MYLK: variants seen among roughly 807,000 people sequenced by gnomAD.
The protein encoded by MYLK is myosin light chain kinase.
MYLK carries 106 observed loss-of-function variants against 203.4 expected under a neutral mutation model. The ratio of observed to expected loss-of-function variants is 0.52; its 90% confidence interval spans 0.45 to 0.61. The LOEUF is 0.61. Ranked by LOEUF, MYLK falls within the 20% of genes least tolerant of loss-of-function variation. The pLI is 0.00. For missense variants in MYLK, 2,072 were observed against 2,442.3 expected, an observed-to-expected ratio of 0.85 and a Z score of 3.20; for synonymous variants, 867 against 959.5, an observed-to-expected ratio of 0.90 and a Z score of 1.78.
chr3:123,630,339 G>A (rs1157725704), intron 29 of MYLK, among the ~76,000 whole-genome samples: 1 of 152,190 alleles, frequency 6.6e-6, no homozygotes, highest in East Asian at 1.9e-4. Flanking sequence ...CTATAGGGTG[G>A]TCACTTCTTC....
Position 123,733,941 on chromosome 3 carries a change from A to G in MYLK, c.1055T>C (p.Val352Ala), listed in dbSNP as rs968288078. Residue 352 changes from valine (V) to alanine (A), a missense_variant, in exon 10 of 34, where the codon GTT becomes GCT. This residue lies in a region of MYLK where 683 missense variants were observed against 643.8 expected (regional missense o/e 1.06). Transcript: ENST00000360304. ...SSSITLQAAR[V>A]QPEPRAPGLG... is the part of the protein sequence containing the mutation. ...GCCTGGTGCTCTTGGTTCCGGCTGAACTCTTGCGGCCTGCAGGGTGATGGA... is the reference window on the plus strand; with the variant it reads ...GCCTGGTGCTCTTGGTTCCGGCTGAGCTCTTGCGGCCTGCAGGGTGATGGA... The G allele has an allele frequency of 8.1e-6, 13 of 1,613,650 alleles. No homozygotes were observed. Among genetic ancestry groups the G allele is most frequent in the African/African-American group, 1.3e-5 (1 of 74,784 alleles).
intron 4 of MYLK, among the ~76,000 whole-genome samples, chr3:123,793,234 G>A (rs982211652): frequency 4.6e-5 from 7 of 152,094 alleles, no homozygotes; most frequent in African/African-American, 4.8e-5. Flanking sequence ...TCACTGCTCC[G>A]GGTATACCAA....
intron 20 of MYLK, among the ~76,000 whole-genome samples, chr3:123,673,614 A>C (rs2059986635): frequency 6.6e-6 from 1 of 152,176 alleles, no homozygotes; most frequent in Non-Finnish European, 1.5e-5. Flanking sequence ...GGTCCTCAGA[A>C]GAGGGGACAT....
chr3:123,842,233 T>A (rs977913599), intron 2 of MYLK, among the ~76,000 whole-genome samples: 1 of 152,056 alleles, frequency 6.6e-6, no homozygotes, highest in Non-Finnish European at 1.5e-5. Context: ...AGAGTTGGAA[T>A]AAGTAAATTA....
chr3:123,875,694 A>G (rs1295416017), intron 2 of MYLK, among the ~76,000 whole-genome samples: 1 of 152,228 alleles, frequency 6.6e-6, no homozygotes, highest in African/African-American at 2.4e-5. Flanking sequence ...AGAGTCTTCA[A>G]AAAAACCTAT....
At chr3:123,779,426 T>C (rs978265019) in intron 4 of MYLK, among the ~76,000 whole-genome samples, 1 of 152,212 alleles carries the variant, frequency 6.6e-6, no homozygotes, top group African/African-American at 2.4e-5. Context: ...CAGGCTCATT[T>C]TTCACTCCCC....
At chr3:123,829,157 C>T (rs1463987709) in intron 3 of MYLK, among the ~76,000 whole-genome samples, 1 of 152,134 alleles carries the variant, frequency 6.6e-6, no homozygotes, top group Admixed American at 6.5e-5. Context: ...TCTACTGCAG[C>T]ACTATTTACA....
intron 29 of MYLK, among the ~76,000 whole-genome samples, chr3:123,633,370 A>G (rs1258677191): frequency 6.6e-6 from 1 of 151,618 alleles, no homozygotes; most frequent in Non-Finnish European, 1.5e-5. Context: ...CAGGCCATCC[A>G]CTCACCTTGG....
chr3:123,762,794 C>T (rs921290454), intron 4 of MYLK, among the ~76,000 whole-genome samples: 4 of 152,176 alleles, frequency 2.6e-5, no homozygotes, highest in African/African-American at 9.7e-5. Flanking sequence ...GATGCAGCAA[C>T]AAGGTGCTCT....
chr3:123,614,193 T>C lies in MYLK; in HGVS notation c.5657A>G (p.Asn1886Ser). Residue 1886 changes from asparagine (N) to serine (S), a missense_variant, in exon 34 of 34, where the codon AAC (asparagine) becomes AGC (serine). Around this residue, in one of 3 missense-constraint regions of MYLK, gnomAD observed 524 missense variants for 782.4 expected, o/e 0.67. Transcript: ENST00000360304. ...DDAKYTCKAV[N>S]SLGEATCTAE... ...TGTGCAGGTGGCTTCTCCAAGACTG[T>C]TGACAGCCTTGCAGGTGTACTTGGC... 3 of 1,614,194 alleles carry C rather than the reference T, an allele frequency of 1.9e-6. No individual in the cohort carries two copies. Among genetic ancestry groups the C allele is most frequent in the Non-Finnish European group, 2.5e-6 (3 of 1,180,042 alleles).
intron 2 of MYLK, among the ~76,000 whole-genome samples, chr3:123,866,853 A>G (rs2032363884): frequency 6.6e-6 from 1 of 152,182 alleles, no homozygotes; most frequent in African/African-American, 2.4e-5. Flanking sequence ...GAAGCTATGC[A>G]GTCCCTCCCT....
intron 4 of MYLK, among the ~76,000 whole-genome samples, chr3:123,785,587 G>A (rs889535014): frequency 6.6e-6 from 1 of 152,232 alleles, no homozygotes; most frequent in Non-Finnish European, 1.5e-5. Context: ...TCTCAAGAAT[G>A]TAATGCCTTC....
intron 4 of MYLK, among the ~76,000 whole-genome samples, chr3:123,758,901 T>G (rs1198517177): frequency 6.6e-6 from 1 of 152,216 alleles, no homozygotes; most frequent in African/African-American, 2.4e-5. Flanking sequence ...CAGCTCATTT[T>G]GCAGCCTCGA....
chr3:123,873,957 T>C (rs2032990295), intron 2 of MYLK, among the ~76,000 whole-genome samples: 1 of 152,070 alleles, frequency 6.6e-6, no homozygotes, highest in Non-Finnish European at 1.5e-5. Context: ...ATATGTTCAA[T>C]ATGTATATGC....
At chr3:123,786,035 G>A (rs2064503263) in intron 4 of MYLK, among the ~76,000 whole-genome samples, 1 of 152,096 alleles carries the variant, frequency 6.6e-6, no homozygotes, top group Non-Finnish European at 1.5e-5. Flanking sequence ...GGGCACAGTG[G>A]CTCACGCCTG....
Position 123,640,178 on chromosome 3 carries a change from G to T in MYLK, c.4837+109C>A. The T allele has an allele frequency of 9.6e-7, 1 of 1,039,132 alleles. No homozygotes were observed. The highest frequency in any genetic ancestry group is 1.5e-6 in the Non-Finnish European group (1 of 673,874). 64.4% of individuals were successfully genotyped at this position (1,039,132 alleles called of 1,614,324 possible). A position where few individuals can be genotyped will look rare whatever the true frequency, so the allele number is the denominator to read the frequency against. ...GGATTCAAACCTGGGAAGTCTTCAT[G>T]GTCTCGGATTTAACCCCAATACTGT... On this transcript the variant is annotated intron_variant, in intron 28 of 33. Coordinates refer to ENST00000360304, the MANE Select transcript of MYLK (RefSeq NM_053025.4). The surrounding 1 kb of genome is among the most constrained non-coding windows in gnomAD (Gnocchi z 4.3).
At chr3:123,688,970 C>T (rs1047190673) in intron 19 of MYLK, among the ~76,000 whole-genome samples, 1 of 152,236 alleles carries the variant, frequency 6.6e-6, no homozygotes, top group East Asian at 1.9e-4. Context: ...CTAGAAAAGT[C>T]CCAAAAGCTG....
intron 18 of MYLK, among the ~76,000 whole-genome samples, chr3:123,699,749 C>T (rs527758429): frequency 9.2e-5 from 14 of 152,312 alleles, no homozygotes; most frequent in East Asian, 1.9e-4. Context: ...AGATGGGTGC[C>T]GAGATGTGGG....
At chr3:123,673,877 G>A (rs559998887) in intron 20 of MYLK, among the ~76,000 whole-genome samples, 4 of 152,164 alleles carry the variant, frequency 2.6e-5, no homozygotes, top group Non-Finnish European at 4.4e-5. Context: ...GGCAGAGCAC[G>A]CCCTACTCAG....
Sources: allele counts gnomAD v4.1 joint callset (sites outside exome capture counted in the v4.1 genomes callset), GRCh38; gene constraint gnomAD v4.1.1; regional missense constraint gnomAD v4.1.1; non-coding constraint Gnocchi (gnomAD v3.1); transcripts MANE v1.5; gene names NCBI Gene and HGNC (gene_info 2026-07-23, HGNC 2026-07-21).